SRD5A2: variants seen among roughly 807,000 people sequenced by gnomAD.
The protein encoded by SRD5A2 is steroid 5 alpha-reductase 2, also known as 3-oxo-5-alpha-steroid 4-dehydrogenase 2.
Under a neutral mutation model 27.4 loss-of-function variants are expected in SRD5A2, and 30 were observed. The observed-to-expected ratio is 1.10, with a 90% CI of 0.82 to 1.49. SRD5A2 has a LOEUF of 1.49. SRD5A2 is among the 40% of genes most tolerant of loss of function. The pLI is 0.00. For synonymous variants in SRD5A2, 141 were observed against 133.6 expected (o/e 1.06, Z -0.38); for missense variants, 348 against 323.4 (o/e 1.08, Z -0.58).
chr2:31,623,595 TGA>T, the SRD5A2 span, among the ~76,000 whole-genome samples: 3 of 152,158 alleles, frequency 2.0e-5, no homozygotes, highest in East Asian at 5.8e-4. Flanking sequence ...CTTTGATTTT[TGA>T]GAGTGTTGAC....
Position 31,525,535 on chromosome 2 carries a change from T to A in SRD5A2, c.*661A>T. 4.4e-6 allele frequency: 1 copy of A among 225,720 alleles called. No homozygotes were observed. Among genetic ancestry groups the A allele is most frequent in the Non-Finnish European group, 8.8e-6 (1 of 113,364 alleles). The allele number at this position is 225,720 out of a possible 1,614,324, so 14.0% of individuals were successfully genotyped here. A position where few individuals can be genotyped will look rare whatever the true frequency, so the allele number is the denominator to read the frequency against. Reference sequence around the variant, plus strand: ...CCAGTTTTCCGGGGATTGTGAAATCTTCTGGAAAACAGAGGCACTCATCAA... The same window carrying A: ...CCAGTTTTCCGGGGATTGTGAAATCATCTGGAAAACAGAGGCACTCATCAA... On this transcript the variant is annotated 3_prime_UTR_variant, in exon 5 of 5. Transcript: ENST00000622030.
At chr2:31,593,094 A>G in the SRD5A2 span, among the ~76,000 whole-genome samples, 1 of 150,906 alleles carries the variant, frequency 6.6e-6, no homozygotes, top group Non-Finnish European at 1.5e-5. Flanking sequence ...GGAACATCAC[A>G]CTCTGGGGAC....
chr2:31,528,233 C>T (rs1038600484), intron 4 of SRD5A2, among the ~76,000 whole-genome samples: 6 of 152,284 alleles, frequency 3.9e-5, no homozygotes, highest in African/African-American at 1.4e-4. Flanking sequence ...CTTGTCCTAC[C>T]TTCCCCAGAA....
chr2:31,533,365 T>C (rs940996604), intron 2 of SRD5A2, among the ~76,000 whole-genome samples: 2 of 152,110 alleles, frequency 1.3e-5, no homozygotes, highest in Non-Finnish European at 2.9e-5. Flanking sequence ...GGGAAGGAAT[T>C]TGTATTTTAT....
rs1387336682 is a variant in SRD5A2 at position 31,523,179 on chromosome 2, C to A, written c.*3017G>T. 2 of 216,232 alleles carry A rather than the reference C, an allele frequency of 9.2e-6. No homozygotes were observed. Among genetic ancestry groups the A allele is most frequent in the African/African-American group, 4.5e-5 (2 of 44,356 alleles). 13.4% of individuals were successfully genotyped at this position (216,232 alleles called of 1,614,324 possible). ...ATGCTGAACACACATGTTGTCTTGA[C>A]TACACCAATGAGGGAAAACTCTCTA... On this transcript the variant is annotated 3_prime_UTR_variant, in exon 5 of 5. Transcript: ENST00000622030.
the SRD5A2 span, among the ~76,000 whole-genome samples, chr2:31,626,362 C>A: frequency 6.6e-6 from 1 of 152,064 alleles, no homozygotes; most frequent in African/African-American, 2.4e-5. Flanking sequence ...TTTCTCCTAC[C>A]TGATTGCCCT....
the SRD5A2 span, among the ~76,000 whole-genome samples, chr2:31,631,144 G>T: frequency 6.6e-6 from 1 of 152,168 alleles, no homozygotes; most frequent in Non-Finnish European, 1.5e-5. Flanking sequence ...TTATGGGAGT[G>T]CATCTTGATG....
chr2:31,554,813 T>C (rs1040939387), intron 1 of SRD5A2, among the ~76,000 whole-genome samples: 4 of 152,032 alleles, frequency 2.6e-5, no homozygotes, highest in African/African-American at 9.7e-5. Context: ...CCATGAAAAA[T>C]ATGTAGGGAC....
At chr2:31,534,046 A>G (rs1415664831) in intron 1 of SRD5A2, among the ~76,000 whole-genome samples, 5 of 152,248 alleles carry the variant, frequency 3.3e-5, no homozygotes, top group African/African-American at 1.2e-4. Context: ...AAGTGGAATT[A>G]TCATGACAGA....
At chr2:31,660,397 A>T in the SRD5A2 span, among the ~76,000 whole-genome samples, 1 of 152,094 alleles carries the variant, frequency 6.6e-6, no homozygotes, top group Non-Finnish European at 1.5e-5. Context: ...CAGCAACCCC[A>T]CTTCTAAAGA....
At chr2:31,626,978 T>C in the SRD5A2 span, among the ~76,000 whole-genome samples, 1 of 152,132 alleles carries the variant, frequency 6.6e-6, no homozygotes, top group Non-Finnish European at 1.5e-5. Flanking sequence ...GCTGTGAATC[T>C]GTCTGGTCCT....
chr2:31,635,528 G>A, the SRD5A2 span, among the ~76,000 whole-genome samples: 1 of 151,788 alleles, frequency 6.6e-6, no homozygotes, highest in African/African-American at 2.4e-5. Context: ...TGCTCCCTTT[G>A]CTTTTTAGAA....
chr2:31,590,509 G>A, the SRD5A2 span, among the ~76,000 whole-genome samples: 2 of 152,066 alleles, frequency 1.3e-5, no homozygotes, highest in Non-Finnish European at 2.9e-5. Flanking sequence ...ACTGCCCAAG[G>A]TAATTTATAG....
rs1665770952 is a variant in SRD5A2 at position 31,526,046 on chromosome 2, C to T, written c.*150G>A. 6 of 567,216 alleles carry T rather than the reference C, an allele frequency of 1.1e-5. No individual in the cohort carries two copies. Among genetic ancestry groups the T allele is most frequent in the Non-Finnish European group, 1.9e-5 (6 of 321,058 alleles). The allele number at this position is 567,216 out of a possible 1,614,324, so 35.1% of individuals were successfully genotyped here. On this transcript the variant is annotated 3_prime_UTR_variant, in exon 5 of 5. Coordinates refer to ENST00000622030, the MANE Select transcript of SRD5A2 (RefSeq NM_000348.4). ...GTAGGAGTAAACTCTAAGCAGACAC[C>T]ACTCAGAATCCCCAGGCCAGCTGGC... is the stretch of plus-strand genomic sequence containing the variant.
At chr2:31,596,386 A>T in the SRD5A2 span, among the ~76,000 whole-genome samples, 1 of 86,698 alleles carries the variant, frequency 1.2e-5, no homozygotes, top group Non-Finnish European at 2.4e-5. Flanking sequence ...AGACTCCACC[A>T]AAAAAAAAAA....
At chr2:31,604,916 A>G in the SRD5A2 span, among the ~76,000 whole-genome samples, 1 of 151,998 alleles carries the variant, frequency 6.6e-6, no homozygotes, top group African/African-American at 2.4e-5. Context: ...CTACAGAGGT[A>G]TAGTAACCAA....
the SRD5A2 span, among the ~76,000 whole-genome samples, chr2:31,659,686 C>T: frequency 6.6e-6 from 1 of 152,006 alleles, no homozygotes; most frequent in African/African-American, 2.4e-5. Flanking sequence ...TCAGAGATTA[C>T]ACAAACAAAT....
intron 1 of SRD5A2, among the ~76,000 whole-genome samples, chr2:31,560,902 T>C (rs1396329223): frequency 6.6e-6 from 1 of 152,178 alleles, no homozygotes; most frequent in East Asian, 1.9e-4. Context: ...CAGAAGCTAG[T>C]CTCCTAAGGG....
the SRD5A2 span, among the ~76,000 whole-genome samples, chr2:31,606,993 A>T: frequency 6.6e-6 from 1 of 152,032 alleles, no homozygotes; most frequent in Non-Finnish European, 1.5e-5. Flanking sequence ...CACAGCAGAG[A>T]TGTAAAAATA....
Sources: gnomAD v4.1 joint callset for allele counts (sites outside exome capture counted in the v4.1 genomes callset) on GRCh38, gnomAD v4.1.1 for gene constraint, MANE v1.5 for transcripts, NCBI Gene and HGNC (gene_info 2026-07-23, HGNC 2026-07-21) for gene names.